The following ZC3H3 variants were observed in gnomAD, a reference collection of about 807,000 sequenced individuals.
ZC3H3 encodes zinc finger CCCH-type containing 3, also known as zinc finger CCCH domain-containing protein 3.
A neutral mutation model predicts 77.3 loss-of-function variants in ZC3H3; 36 were observed. That is an observed-to-expected ratio of 0.47 (90% CI 0.36 to 0.61). The LOEUF (loss-of-function observed/expected upper bound fraction) is 0.61. ZC3H3 is among the 20% of genes least tolerant of loss of function. The probability of loss-of-function intolerance (pLI) is 0.00; values close to 1 mark genes in which losing one functional copy is unlikely to be tolerated. For synonymous variants in ZC3H3, 626 were observed against 555.2 expected (o/e 1.13, Z -1.79); for missense variants, 1,331 against 1,312.2 (o/e 1.01, Z -0.22).
chr8:143,447,592 T>A (rs1490104786), intron 9 of ZC3H3, among the ~76,000 whole-genome samples: 1 of 152,080 alleles, frequency 6.6e-6, no homozygotes, highest in Non-Finnish European at 1.5e-5. Context: ...GGGCAATGTA[T>A]AAAGAAAAGA....
chr8:143,466,462 C>A (rs1398533432), intron 8 of ZC3H3, among the ~76,000 whole-genome samples: 1 of 152,242 alleles, frequency 6.6e-6, no homozygotes, highest in African/African-American at 2.4e-5. Flanking sequence ...CAGCACAGGG[C>A]CGCTGGCCAC....
At chr8:143,502,748 G>A (rs746819738) in intron 4 of ZC3H3, among the ~76,000 whole-genome samples, 2 of 152,178 alleles carry the variant, frequency 1.3e-5, no homozygotes, top group African/African-American at 2.4e-5. Flanking sequence ...TGAGGGCACC[G>A]GCAAATCTAC....
chr8:143,477,089 C>G (rs1047611688), intron 4 of ZC3H3, among the ~76,000 whole-genome samples: 1 of 152,162 alleles, frequency 6.6e-6, no homozygotes, highest in Non-Finnish European at 1.5e-5. Flanking sequence ...CCGCCATCCC[C>G]ACCACTCAGC....
Position 143,533,239 on chromosome 8 carries a change from A to C in ZC3H3, c.1561+3018T>G, listed in dbSNP as rs1822679703. Among the ~76,000 whole-genome samples the C allele has an allele frequency of 3.3e-5, 5 of 152,058 alleles. No homozygotes were observed. In the South Asian group the frequency reaches 1.0e-3, roughly 31 times the overall value. On this transcript the variant is annotated intron_variant, in intron 3 of 11. Transcript: ENST00000262577. The surrounding 1 kb of genome is among the most constrained non-coding windows in gnomAD (Gnocchi z 4.0). ...CTCCAAGCCACACTCCCAGATGGTG[A>C]ACTGGCCCCACAGCCTCCTTGTGCT... is the stretch of plus-strand genomic sequence containing the variant.
At chr8:143,526,471 C>T (rs1247335780) in intron 3 of ZC3H3, among the ~76,000 whole-genome samples, 3 of 152,216 alleles carry the variant, frequency 2.0e-5, no homozygotes, top group African/African-American at 7.2e-5. Context: ...ATCAGGACCC[C>T]GCCCAGCACG....
At chr8:143,439,667 C>T (rs1036657283) in intron 11 of ZC3H3, among the ~76,000 whole-genome samples, 2 of 152,210 alleles carry the variant, frequency 1.3e-5, no homozygotes, top group Non-Finnish European at 2.9e-5. Context: ...CAGCGGCCAC[C>T]GCTACACTCG....
intron 3 of ZC3H3, among the ~76,000 whole-genome samples, chr8:143,522,678 G>C (rs866335783): frequency 5.9e-5 from 9 of 152,276 alleles, no homozygotes; most frequent in Middle Eastern, 6.8e-3. Flanking sequence ...CAGCACTTTG[G>C]AAGGCCAAGT....
intron 3 of ZC3H3, among the ~76,000 whole-genome samples, chr8:143,514,027 C>A (rs914938614): frequency 6.6e-6 from 1 of 152,218 alleles, no homozygotes; most frequent in Admixed American, 6.5e-5. Context: ...TGGGGCCACA[C>A]AGAGTCGCCA....
chr8:143,527,377 C>T (rs1185376722), intron 3 of ZC3H3, among the ~76,000 whole-genome samples: 1 of 152,152 alleles, frequency 6.6e-6, no homozygotes, highest in Non-Finnish European at 1.5e-5. Context: ...ACCCAGGGTC[C>T]TACGGTGGTA....
intron 9 of ZC3H3, among the ~76,000 whole-genome samples, chr8:143,444,124 G>A (rs553300681): frequency 3.9e-5 from 6 of 152,106 alleles, no homozygotes; most frequent in South Asian, 2.1e-4. Context: ...ACAGGTGCCC[G>A]CCACCATGCC....
chr8:143,485,806 G>A (rs1318015652), intron 4 of ZC3H3, among the ~76,000 whole-genome samples: 1 of 152,214 alleles, frequency 6.6e-6, no homozygotes, highest in Non-Finnish European at 1.5e-5. Flanking sequence ...ACCCAAAGAG[G>A]CCCTTTACAG....
chr8:143,501,630 G>A (rs1821527862), intron 4 of ZC3H3, among the ~76,000 whole-genome samples: 1 of 152,096 alleles, frequency 6.6e-6, no homozygotes, highest in African/African-American at 2.4e-5. Flanking sequence ...GATCACAGGT[G>A]TGAGCCATCA....
intron 9 of ZC3H3, among the ~76,000 whole-genome samples, chr8:143,449,031 G>A (rs1819926658): frequency 6.6e-6 from 1 of 152,238 alleles, no homozygotes. Flanking sequence ...AGCTGGAGCT[G>A]GACTGGCTGG....
chr8:143,441,626 T>A (rs1819744669), intron 9 of ZC3H3, among the ~76,000 whole-genome samples: 1 of 152,142 alleles, frequency 6.6e-6, no homozygotes, highest in African/African-American at 2.4e-5. Flanking sequence ...CCTGTCACAG[T>A]GCTAATTATA....
intron 3 of ZC3H3, among the ~76,000 whole-genome samples, chr8:143,516,454 C>T (rs1822046398): frequency 6.6e-6 from 1 of 151,560 alleles, no homozygotes; most frequent in African/African-American, 2.4e-5. Flanking sequence ...ATTAGGCCCT[C>T]CCTGCCAGAA....
At position 143,539,040 on chromosome 8, in the gene ZC3H3, A is replaced by C. The variant is rs754433835; in HGVS notation, c.327T>G (p.His109Gln). The C allele has an allele frequency of 2.7e-5, 44 of 1,612,938 alleles. No individual in the cohort carries two copies. In the Middle Eastern group the frequency reaches 9.9e-4, roughly 36 times the overall value. Reference protein sequence around the residue: ...RGGQPPVPQQHVLERQVQLSQ... With the variant: ...RGGQPPVPQQQVLERQVQLSQ... The stretch of plus-strand genomic sequence containing the variant: ...TGAGCTGGACCTGTCTCTCAAGGAC[A>C]TGCTGCTGCGGGACAGGAGGCTGGC... Residue 109 changes from histidine to glutamine, a missense_variant, in exon 2 of 12, where the codon CAT becomes CAG. Coordinates refer to ENST00000262577, the MANE Select transcript of ZC3H3 (RefSeq NM_015117.3).
At chr8:143,474,370 G>A (rs537654339) in intron 5 of ZC3H3, among the ~76,000 whole-genome samples, 12 of 152,362 alleles carry the variant, frequency 7.9e-5, no homozygotes, top group Non-Finnish European at 1.0e-4. Flanking sequence ...CCCAGCCCCA[G>A]CCACCAGGCT....
chr8:143,537,959 C>T, intron 2 of ZC3H3, 44 bp downstream of exon 2: 1 of 1,526,262 alleles, frequency 6.6e-7, no homozygotes. Flanking sequence ...ACAAACCCTC[C>T]TCACAGCCCC....
intron 4 of ZC3H3, among the ~76,000 whole-genome samples, chr8:143,506,178 G>C (rs1821688367): frequency 6.6e-6 from 1 of 152,216 alleles, no homozygotes; most frequent in African/African-American, 2.4e-5. Context: ...CAAACCAGAC[G>C]CCTTCTTGGC....
Sources: allele counts gnomAD v4.1 joint callset (sites outside exome capture counted in the v4.1 genomes callset), GRCh38; gene constraint gnomAD v4.1.1; non-coding constraint Gnocchi (gnomAD v3.1); transcripts MANE v1.5; gene names NCBI Gene and HGNC (gene_info 2026-07-23, HGNC 2026-07-21).